NRXN3: variants seen among roughly 807,000 people sequenced by gnomAD.
NRXN3 encodes the protein neurexin 3.
NRXN3 carries 32 observed loss-of-function variants against 137.6 expected under a neutral mutation model. That is an observed-to-expected ratio of 0.23 (90% confidence interval 0.18 to 0.31). NRXN3 has a LOEUF of 0.31. Among genes scored for constraint, NRXN3 ranks in the 10% least tolerant of loss-of-function variants. NRXN3 has a pLI of 1.00. For missense variants in NRXN3, 1,574 were observed against 2,062.5 expected, an observed-to-expected ratio of 0.76 and a Z score of 4.59; for synonymous variants, 798 against 784.5, an observed-to-expected ratio of 1.02 and a Z score of -0.29.
intron 15 of NRXN3, among the ~76,000 whole-genome samples, chr14:79,262,422 GGA>G: frequency 6.6e-6 from 1 of 151,072 alleles, no homozygotes; most frequent in South Asian, 2.1e-4. Flanking sequence ...AGAAGGAAAA[GGA>G]GAAGAGGAAG....
intron 16 of NRXN3, among the ~76,000 whole-genome samples, chr14:79,594,989 C>A (rs190251539): frequency 0.057 from 8,726 of 152,212 alleles, 253 homozygotes; most frequent in East Asian, 0.081. Context: ...ACACTTGAAT[C>A]AATTTTTGGT....
At chr14:78,285,770 T>G (rs2075090340) in intron 3 of NRXN3, among the ~76,000 whole-genome samples, 1 of 152,208 alleles carries the variant, frequency 6.6e-6, no homozygotes, top group Non-Finnish European at 1.5e-5. Flanking sequence ...AGAAGGTAAT[T>G]GAATGAATCT....
intron 4 of NRXN3, among the ~76,000 whole-genome samples, chr14:78,422,390 T>C (rs1205907973): frequency 1.3e-5 from 2 of 152,206 alleles, no homozygotes; most frequent in African/African-American, 4.8e-5. Context: ...ATCCCTCCAT[T>C]ACTGGCAGAT....
chr14:79,837,593 TC>T (rs2099346793), intron 20 of NRXN3, among the ~76,000 whole-genome samples: 1 of 152,308 alleles, frequency 6.6e-6, no homozygotes, highest in Non-Finnish European at 1.5e-5. Context: ...CGTGGGTTTT[TC>T]CTTTGGGCCA....
chr14:78,381,799 G>T (rs2089175263), intron 4 of NRXN3, among the ~76,000 whole-genome samples: 1 of 152,184 alleles, frequency 6.6e-6, no homozygotes, highest in South Asian at 2.1e-4. Flanking sequence ...TGAATCCCCA[G>T]ATAATTATAC....
chr14:78,688,353 G>C (rs2098141048), intron 6 of NRXN3, among the ~76,000 whole-genome samples: 1 of 152,150 alleles, frequency 6.6e-6, no homozygotes, highest in Admixed American at 6.5e-5. Context: ...AAACACAAGA[G>C]AGTATTGAAT....
At chr14:79,128,944 G>A in intron 15 of NRXN3, among the ~76,000 whole-genome samples, 1 of 152,084 alleles carries the variant, frequency 6.6e-6, no homozygotes, top group East Asian at 1.9e-4. Context: ...ATTTCTTCTA[G>A]ATTTTCTAGT....
intron 15 of NRXN3, among the ~76,000 whole-genome samples, chr14:79,221,109 T>C (rs1272399050): frequency 6.6e-6 from 1 of 152,194 alleles, no homozygotes; most frequent in Non-Finnish European, 1.5e-5. Context: ...CTGCATTGTA[T>C]TCCATGGTGT....
intron 15 of NRXN3, among the ~76,000 whole-genome samples, chr14:79,043,381 G>A (rs989247318): frequency 2.0e-5 from 3 of 152,190 alleles, no homozygotes; most frequent in African/African-American, 7.2e-5. Context: ...GGATGTGGGT[G>A]GAGGCGGATC....
At chr14:79,176,443 C>T (rs1361201748) in intron 15 of NRXN3, among the ~76,000 whole-genome samples, 1 of 152,130 alleles carries the variant, frequency 6.6e-6, no homozygotes, top group Admixed American at 6.5e-5. Context: ...AATAGGTGAT[C>T]CCCCAGCTAC....
At chr14:79,193,172 G>T (rs924417466) in intron 15 of NRXN3, among the ~76,000 whole-genome samples, 2 of 152,076 alleles carry the variant, frequency 1.3e-5, no homozygotes, top group African/African-American at 2.4e-5. Context: ...TTGAACTTCT[G>T]AGAAGAATGG....
chr14:79,861,044 G>T lies in NRXN3; in HGVS notation c.4094-298G>T. The T allele has an allele frequency of 7.1e-7, 1 of 1,401,728 alleles. No individual in the cohort carries two copies. Among genetic ancestry groups the T allele is most frequent in the Non-Finnish European group, 9.3e-7 (1 of 1,079,764 alleles). 86.8% of individuals were successfully genotyped at this position (1,401,728 alleles called of 1,614,324 possible). A position where few individuals can be genotyped will look rare whatever the true frequency, so the allele number is the denominator to read the frequency against. ...CTTTTTCTTTTCCATCCCAGGAGGT[G>T]AATTAGTTATCCCTCTTCTTGTAGA... On this transcript the variant is annotated intron_variant, in intron 20 of 20. Transcript: ENST00000335750. The surrounding 1 kb of genome is among the most constrained non-coding windows in gnomAD (Gnocchi z 5.4).
chr14:78,524,701 T>A (rs1270011752), intron 4 of NRXN3, among the ~76,000 whole-genome samples: 1 of 152,178 alleles, frequency 6.6e-6, no homozygotes, highest in South Asian at 2.1e-4. Flanking sequence ...CTAACCTATA[T>A]TCAAAGAGGT....
Position 78,749,519 on chromosome 14 carries a change from G to A in NRXN3, c.2044+34380G>A, listed in dbSNP as rs115567749. On this transcript the variant is annotated intron_variant, in intron 8 of 20. Transcript: ENST00000335750. ...TCACCTGCATATGTAAGGTGGAGTT[G>A]GCTGTAGTTCAAGCAATAGAAAGAA... 8.9e-3 allele frequency among the ~76,000 whole-genome samples: 1,355 copies of A among 152,230 alleles called. 24 individuals are homozygous for A. Among genetic ancestry groups the A allele is most frequent in the African/African-American group, 0.03 (1,246 of 41,538 alleles).
chr14:79,795,413 C>G (rs912418703), intron 19 of NRXN3, among the ~76,000 whole-genome samples: 1 of 152,064 alleles, frequency 6.6e-6, no homozygotes, highest in Non-Finnish European at 1.5e-5. Context: ...TTTATGGGAA[C>G]CCATCCTCCC....
chr14:79,168,475 A>C (rs919664362), intron 15 of NRXN3, among the ~76,000 whole-genome samples: 2 of 152,098 alleles, frequency 1.3e-5, no homozygotes, highest in African/African-American at 4.8e-5. Context: ...TCTGTATTTT[A>C]ATAACATGTT....
intron 10 of NRXN3, among the ~76,000 whole-genome samples, chr14:78,816,046 A>G (rs1202482939): frequency 6.6e-6 from 1 of 152,140 alleles, no homozygotes; most frequent in East Asian, 1.9e-4. Context: ...TTCTTTTGGT[A>G]TGTTTTATAT....
intron 15 of NRXN3, among the ~76,000 whole-genome samples, chr14:79,079,678 G>A (rs976798584): frequency 7.9e-5 from 12 of 152,164 alleles, no homozygotes; most frequent in African/African-American, 2.6e-4. Context: ...GTGCCAATAG[G>A]CAGGTAAAGA....
At chr14:78,562,232 A>G (rs1267521556) in intron 4 of NRXN3, among the ~76,000 whole-genome samples, 1 of 151,954 alleles carries the variant, frequency 6.6e-6, no homozygotes, top group Non-Finnish European at 1.5e-5. Flanking sequence ...CCCAGTCTTT[A>G]CTAAAAATAC....
Sources: allele counts gnomAD v4.1 joint callset (sites outside exome capture counted in the v4.1 genomes callset), GRCh38; gene constraint gnomAD v4.1.1; non-coding constraint Gnocchi (gnomAD v3.1); transcripts MANE v1.5; gene names NCBI Gene and HGNC (gene_info 2026-07-23, HGNC 2026-07-21).